CALB2: variants seen among roughly 807,000 people sequenced by gnomAD.
The protein encoded by CALB2 is calbindin 2.
CALB2 carries 34 observed loss-of-function variants against 45.9 expected under a neutral mutation model. That is an observed-to-expected ratio of 0.74 (90% CI 0.56 to 0.99). CALB2 has a LOEUF of 0.99. Among genes scored for constraint, CALB2 ranks in the 50% least tolerant of loss-of-function variants. The pLI, the probability that CALB2 is intolerant of heterozygous loss-of-function variation, is 0.00. For missense variants in CALB2, 344 were observed against 339.3 expected (o/e 1.01, Z -0.11); for synonymous variants, 142 against 129.6 (o/e 1.10, Z -0.65).
At chr16:71,375,786 G>A (rs892800127) in intron 3 of CALB2, among the ~76,000 whole-genome samples, 2 of 152,230 alleles carry the variant, frequency 1.3e-5, no homozygotes, top group African/African-American at 4.8e-5. Flanking sequence ...GGACTCTGGA[G>A]TGTGGACTGT....
chr16:71,383,928 A>T, intron 6 of CALB2, 42 bp from the exon 7 acceptor site: 1 of 1,610,052 alleles, frequency 6.2e-7, no homozygotes, highest in Non-Finnish European at 8.5e-7. Flanking sequence ...AGGTCAGAGA[A>T]ATTCACAGCA....
chr16:71,365,485 C>T (rs531041244), intron 1 of CALB2, among the ~76,000 whole-genome samples: 34 of 152,296 alleles, frequency 2.2e-4, no homozygotes, highest in Admixed American at 7.8e-4. Context: ...AAGTGACACT[C>T]ATATGTCTGG....
intron 1 of CALB2, among the ~76,000 whole-genome samples, chr16:71,362,063 G>C (rs1281479130): frequency 6.6e-6 from 1 of 152,198 alleles, no homozygotes; most frequent in Non-Finnish European, 1.5e-5. Context: ...GGGGTCTAGG[G>C]CTCTTCCGAA....
intron 1 of CALB2, among the ~76,000 whole-genome samples, chr16:71,371,550 C>T (rs956573604): frequency 6.6e-6 from 1 of 152,182 alleles, no homozygotes; most frequent in East Asian, 1.9e-4. Context: ...CAGCCCACAG[C>T]GTTCCTTGGC....
At chr16:71,384,489 CCACA>C in intron 8 of CALB2, 111 bp downstream of exon 8, 3 of 868,294 alleles carry the variant, frequency 3.5e-6, no homozygotes, top group South Asian at 1.3e-5. Context: ...CCCACACACA[CCACA>C]CACACACAAA....
intron 9 of CALB2, chr16:71,385,290 C>A: frequency 2.5e-6 from 1 of 393,268 alleles, no homozygotes; most frequent in Non-Finnish European, 4.6e-6. Context: ...CTTTAAATAG[C>A]CCCCGGACTC....
intron 10 of CALB2, among the ~76,000 whole-genome samples, chr16:71,388,348 AAAAGAAAAAG>A (rs1567546005): frequency 7.0e-6 from 1 of 143,722 alleles, no homozygotes; most frequent in Non-Finnish European, 1.5e-5. Flanking sequence ...AAAAAAAAAA[AAAAGAAAAAG>A]AAAAAGAAAA....
chr16:71,383,639 G>A (rs922249425), intron 6 of CALB2, among the ~76,000 whole-genome samples, 195 bp downstream of exon 6: 3 of 152,282 alleles, frequency 2.0e-5, no homozygotes, highest in South Asian at 2.1e-4. Context: ...GAGCTGACTC[G>A]TGGGCCAATG....
chr16:71,368,746 C>G (rs1018759891), intron 1 of CALB2, among the ~76,000 whole-genome samples: 1 of 152,046 alleles, frequency 6.6e-6, no homozygotes, highest in Non-Finnish European at 1.5e-5. Context: ...CAGCAACCCA[C>G]ACAGGTCTTA....
At chr16:71,383,907 AAG>A (rs777861161) in intron 6 of CALB2, 61 bp from the exon 7 acceptor site, 6 of 1,567,196 alleles carry the variant, frequency 3.8e-6, no homozygotes, top group Non-Finnish European at 5.3e-6. Flanking sequence ...TCTCCAGTAA[AAG>A]GGGATGTCAG....
rs750448570 is a variant in CALB2, at chr16:71,383,447, G to A, written c.477+3G>A. ...TCCAGGAATACACCCAAACCATAGT[G>A]AGTGAACAGAAGTGTCCCTCTCCCC... On this transcript the variant is annotated splice_donor_region_variant and intron_variant, in intron 6 of 10. Coordinates refer to ENST00000302628, the MANE Select transcript of CALB2 (RefSeq NM_001740.5). 9 of 1,613,778 alleles carry A rather than the reference G, an allele frequency of 5.6e-6. No homozygotes were observed. In the East Asian group the frequency reaches 2.0e-4, roughly 36 times the overall value.
In CALB2 at chr16:71,374,786, C is replaced by A. The variant is rs765093163; in HGVS notation, c.213C>A (p.Phe71Leu). Reference sequence around the variant, plus strand: ...ACTTTGGAGAAAAGATGAAGGAGTTCATGCAGAAGTATGATAAAAACTCAG... The same window carrying A: ...ACTTTGGAGAAAAGATGAAGGAGTTAATGCAGAAGTATGATAAAAACTCAG... ...SDNFGEKMKE[F>L]MQKYDKNSDG... Residue 71 changes from phenylalanine (F) to leucine (L), a missense_variant, in exon 3 of 11, where the codon TTC (phenylalanine) becomes TTA (leucine). Coordinates refer to ENST00000302628, the MANE Select transcript of CALB2 (RefSeq NM_001740.5). 6.2e-7 allele frequency: 1 copy of A among 1,613,654 alleles called. No individual in the cohort carries two copies. The highest frequency in any genetic ancestry group is 1.1e-5 in the South Asian group (1 of 90,984).
At chr16:71,366,295 G>A (rs1009658211) in intron 1 of CALB2, among the ~76,000 whole-genome samples, 2 of 143,834 alleles carry the variant, frequency 1.4e-5, no homozygotes, top group Non-Finnish European at 1.5e-5. Context: ...AAAGTGCTGG[G>A]ATTACAGGCG....
At chr16:71,388,085 C>A (rs2042590332) in intron 10 of CALB2, among the ~76,000 whole-genome samples, 1 of 152,104 alleles carries the variant, frequency 6.6e-6, no homozygotes, top group East Asian at 1.9e-4. Flanking sequence ...GACTGTACCT[C>A]AGTTTTCTTA....
chr16:71,382,852 G>GA, intron 5 of CALB2, 77 bp downstream of exon 5: 1 of 1,322,250 alleles, frequency 7.6e-7, no homozygotes, highest in Non-Finnish European at 1.1e-6. Flanking sequence ...GGAGATGTTG[G>GA]ATGAGGGGCA....
At chr16:71,377,935 A>G (rs1443414059) in intron 4 of CALB2, among the ~76,000 whole-genome samples, 188 bp downstream of exon 4, 1 of 152,172 alleles carries the variant, frequency 6.6e-6, no homozygotes, top group Non-Finnish European at 1.5e-5. Context: ...TAGAAAACAG[A>G]AAGGGGCCAG....
chr16:71,375,037 G>A (rs6499515), intron 3 of CALB2, among the ~76,000 whole-genome samples: 69,644 of 152,056 alleles, frequency 0.46, 16,232 homozygotes, highest in South Asian at 0.57. Context: ...ACAAACAATG[G>A]CCAAAGATAG....
Position 71,389,821 on chromosome 16 carries a change from C to T in CALB2, c.772C>T (p.Arg258Cys), listed in dbSNP as rs776150442. The change falls in exon 11 of 11, where the codon CGC becomes TGC. Residue 258 changes from arginine to cysteine, a missense_variant. Transcript: ENST00000302628. ...MSLAEAGKLY[R>C]KDLEIVLCSE... Reference sequence around the variant, plus strand: ...CTTGGCAGAGGCAGGGAAGCTCTACCGCAAGGACCTGGAGATTGTGCTCTG... The same window carrying T: ...CTTGGCAGAGGCAGGGAAGCTCTACTGCAAGGACCTGGAGATTGTGCTCTG... The T allele has an allele frequency of 1.7e-5, 28 of 1,613,858 alleles. No individual in the cohort carries two copies. Among genetic ancestry groups the T allele is most frequent in the Admixed American group, 5.0e-5 (3 of 60,002 alleles).
chr16:71,376,986 A>G (rs1245159064), intron 3 of CALB2, among the ~76,000 whole-genome samples: 1 of 152,200 alleles, frequency 6.6e-6, no homozygotes, highest in Non-Finnish European at 1.5e-5. Flanking sequence ...GCCTACCTGT[A>G]AGCCAATCAC....
Sources: gnomAD v4.1 joint callset for allele counts (sites outside exome capture counted in the v4.1 genomes callset) on GRCh38, gnomAD v4.1.1 for gene constraint, MANE v1.5 for transcripts, NCBI Gene and HGNC (gene_info 2026-07-23, HGNC 2026-07-21) for gene names.